NCEH1: variants seen among roughly 807,000 people sequenced by gnomAD.
NCEH1 encodes 2-acetyl MAGE hydrolase.
In NCEH1, 9 loss-of-function variants were observed where a neutral mutation model predicts 25.4. That is an observed-to-expected ratio of 0.35 (90% CI 0.21 to 0.62). NCEH1 has a LOEUF of 0.62. Ranked by LOEUF, NCEH1 falls within the 20% of genes least tolerant of loss-of-function variation. NCEH1 has a pLI of 0.72. For missense variants in NCEH1, 412 were observed against 501.1 expected, an observed-to-expected ratio of 0.82 and a Z score of 1.70; for synonymous variants, 200 against 199.8, an observed-to-expected ratio of 1.00 and a Z score of -0.01.
intron 1 of NCEH1, among the ~76,000 whole-genome samples, chr3:172,658,869 T>C (rs1025264728): frequency 7.7e-6 from 1 of 129,698 alleles, no homozygotes. Flanking sequence ...TTTTTTTTTT[T>C]ACTATCAACA....
intron 4 of NCEH1, among the ~76,000 whole-genome samples, chr3:172,635,025 C>T (rs1022841451): frequency 3.3e-5 from 5 of 152,164 alleles, no homozygotes; most frequent in African/African-American, 9.7e-5. Context: ...ACACTGTCCT[C>T]GTTTTTCTGA....
chr3:172,670,520 A>C (rs1383061127), intron 1 of NCEH1, among the ~76,000 whole-genome samples: 1 of 152,208 alleles, frequency 6.6e-6, no homozygotes. Flanking sequence ...GGACCTCTCA[A>C]AGCTACACAT....
chr3:172,638,272 T>C (rs1372420424), intron 3 of NCEH1, among the ~76,000 whole-genome samples: 2 of 50,600 alleles, frequency 4.0e-5, no homozygotes, highest in Non-Finnish European at 6.6e-5. Flanking sequence ...AACGAGACTC[T>C]GTCCAAAAAA....
At chr3:172,674,555 A>C (rs1711836942) in intron 1 of NCEH1, among the ~76,000 whole-genome samples, 1 of 145,428 alleles carries the variant, frequency 6.9e-6, no homozygotes, top group African/African-American at 2.7e-5. Flanking sequence ...ATTTGCTACC[A>C]AATAGTAGAA....
chr3:172,683,603 T>C (rs1277617326), intron 1 of NCEH1, among the ~76,000 whole-genome samples: 1 of 138,668 alleles, frequency 7.2e-6, no homozygotes, highest in African/African-American at 3.5e-5. Flanking sequence ...TGCTTGAGAC[T>C]GGAGGTTGAA....
chr3:172,675,802 T>C (rs191164263), intron 1 of NCEH1, among the ~76,000 whole-genome samples: 5 of 152,328 alleles, frequency 3.3e-5, no homozygotes, highest in Admixed American at 1.3e-4. Context: ...CAATCCAGTA[T>C]TGCAATCCAT....
chr3:172,665,459 G>A (rs950394632), intron 1 of NCEH1, among the ~76,000 whole-genome samples: 3 of 152,240 alleles, frequency 2.0e-5, no homozygotes, highest in Non-Finnish European at 4.4e-5. Flanking sequence ...TGAGGAGGCA[G>A]TCTGTCCGTT....
rs763733725 is a variant in NCEH1 at position 172,633,866 on chromosome 3, G to C, written c.836C>G (p.Ala279Gly). 3 of 1,614,206 alleles carry C rather than the reference G, an allele frequency of 1.9e-6. No individual in the cohort carries two copies. Among genetic ancestry groups the C allele is most frequent in the Non-Finnish European group, 2.5e-6 (3 of 1,180,016 alleles). ...NNHTSLDVEE[A>G]AAVRARLNWT... The stretch of plus-strand genomic sequence containing the variant: ...GTTTAGACGGGCCCTGACAGCAGCA[G>C]CCTCTTCCACATCAAGTGAAGTGTG... Residue 279 changes from alanine (A) to glycine (G), a missense_variant, in exon 5 of 5, where the codon GCT becomes GGT. Around this residue, in one of 3 missense-constraint regions of NCEH1, gnomAD observed 210 missense variants for 258.2 expected, o/e 0.81. Transcript: ENST00000475381.
At chr3:172,681,389 C>T (rs1289093560) in intron 1 of NCEH1, among the ~76,000 whole-genome samples, 1 of 152,096 alleles carries the variant, frequency 6.6e-6, no homozygotes, top group Non-Finnish European at 1.5e-5. Flanking sequence ...TCCTGTCTTG[C>T]CCCAAATTTT....
At chr3:172,635,756 T>A (rs918258973) in intron 4 of NCEH1, among the ~76,000 whole-genome samples, 160 bp downstream of exon 4, 1 of 152,080 alleles carries the variant, frequency 6.6e-6, no homozygotes, top group Non-Finnish European at 1.5e-5. Flanking sequence ...TTCAACGAGA[T>A]CTCTGAGAGC....
At chr3:172,638,122 G>A (rs560656188) in intron 3 of NCEH1, among the ~76,000 whole-genome samples, 4 of 152,032 alleles carry the variant, frequency 2.6e-5, no homozygotes, top group East Asian at 3.9e-4. Context: ...TGTGAAATAC[G>A]TTGACAAGTA....
At chr3:172,693,459 GAAA>G (rs11462052) in intron 1 of NCEH1, among the ~76,000 whole-genome samples, 1 of 130,856 alleles carries the variant, frequency 7.6e-6, no homozygotes, top group African/African-American at 2.8e-5. Flanking sequence ...GCCTGAATAT[GAAA>G]AAAAAAAAAA....
At chr3:172,681,134 G>C (rs755257395) in intron 1 of NCEH1, 1 of 152,008 alleles carries the variant, frequency 6.6e-6, no homozygotes, top group Non-Finnish European at 1.5e-5. Flanking sequence ...GGAGAAGGAG[G>C]GGCAGGAAGA....
chr3:172,639,422 AAATTTTGT>A (rs778832998), intron 3 of NCEH1, among the ~76,000 whole-genome samples: 6 of 152,174 alleles, frequency 3.9e-5, no homozygotes, highest in Non-Finnish European at 8.8e-5. Context: ...AAGTATATCA[AAATTTTGT>A]AATATCTAGA....
Position 172,630,838 on chromosome 3 carries a change from TCCA to T in NCEH1, c.*2634_*2636del, listed in dbSNP as rs1159556519. The T allele has an allele frequency of 2.6e-5, 4 of 152,124 alleles. No individual in the cohort carries two copies. The highest frequency in any genetic ancestry group is 2.0e-4 in the Admixed American group (3 of 15,258). The allele number at this position is 152,124 out of a possible 1,614,324, so 9.4% of individuals were successfully genotyped here. ...GTTAAAAGGTCATGCATAAAATAGA[TCCA>T]CCAAGATAATTATATAATAGTCTTA... On this transcript the variant is annotated 3_prime_UTR_variant, in exon 5 of 5. Coordinates refer to ENST00000475381, the MANE Select transcript of NCEH1 (RefSeq NM_020792.6).
chr3:172,674,734 G>A (rs972472472), intron 1 of NCEH1, among the ~76,000 whole-genome samples: 2 of 152,042 alleles, frequency 1.3e-5, no homozygotes, highest in African/African-American at 2.4e-5. Flanking sequence ...GCTACTATTC[G>A]CAATAGAACT....
intron 1 of NCEH1, among the ~76,000 whole-genome samples, chr3:172,680,140 A>G (rs539035769): frequency 6.6e-6 from 1 of 152,300 alleles, no homozygotes; most frequent in Non-Finnish European, 1.5e-5. Context: ...TCTTTTACAC[A>G]TTAGAGTTCA....
At chr3:172,667,507 G>A (rs1718277058) in intron 1 of NCEH1, among the ~76,000 whole-genome samples, 2 of 152,176 alleles carry the variant, frequency 1.3e-5, no homozygotes, top group South Asian at 2.1e-4. Context: ...AGTAAAGCAC[G>A]GTTAGTCCCA....
At position 172,658,222 on chromosome 3, in the gene NCEH1, G is replaced by A. The variant is rs940816266; in HGVS notation, c.139-10108C>T. On this transcript the variant is annotated intron_variant, in intron 1 of 4. Coordinates refer to ENST00000475381, the MANE Select transcript of NCEH1 (RefSeq NM_020792.6). ...ACCATGACAGTTTACAAATGCCACC[G>A]CAACATCAGGAAGTTACCCTGTATA... Among the ~76,000 whole-genome samples the A allele has an allele frequency of 3.9e-5, 6 of 152,134 alleles. No homozygotes were observed. In the East Asian group the frequency reaches 7.7e-4, roughly 20 times the overall value.
Sources: gnomAD v4.1 joint callset for allele counts (sites outside exome capture counted in the v4.1 genomes callset) on GRCh38, gnomAD v4.1.1 for gene constraint, gnomAD v4.1.1 regional missense constraint, MANE v1.5 for transcripts, NCBI Gene and HGNC (gene_info 2026-07-23, HGNC 2026-07-21) for gene names.